The following AFG2A variants were observed in gnomAD, a reference collection of about 807,000 sequenced individuals.
AFG2A encodes the protein ATPase family gene 2 protein homolog A.
chr4:122,985,339 G>A, the AFG2A span, among the ~76,000 whole-genome samples: 1 of 152,042 alleles, frequency 6.6e-6, no homozygotes, highest in Non-Finnish European at 1.5e-5. Flanking sequence ...ATGTTGGTCA[G>A]GCTTGTCTCT....
chr4:122,987,356 G>T, the AFG2A span, among the ~76,000 whole-genome samples: 1,530 of 152,120 alleles, frequency 0.01, 36 homozygotes, highest in African/African-American at 0.035. Flanking sequence ...GCATAATTTT[G>T]AATCTTGTTG....
the AFG2A span, among the ~76,000 whole-genome samples, chr4:123,013,114 G>A: frequency 6.6e-6 from 1 of 152,124 alleles, no homozygotes; most frequent in African/African-American, 2.4e-5. Flanking sequence ...GAAAATTATA[G>A]TCAAAGGGGG....
the AFG2A span, among the ~76,000 whole-genome samples, chr4:123,227,677 T>C: frequency 6.6e-6 from 1 of 152,208 alleles, no homozygotes. Context: ...CTGAAAAGAA[T>C]GTATATTCGG....
the AFG2A span, among the ~76,000 whole-genome samples, chr4:123,272,522 T>G: frequency 6.6e-6 from 1 of 152,174 alleles, no homozygotes; most frequent in Non-Finnish European, 1.5e-5. Flanking sequence ...GTTTCTATGA[T>G]TCTCAGGGAA....
the AFG2A span, among the ~76,000 whole-genome samples, chr4:123,126,342 C>T: frequency 6.6e-6 from 1 of 152,068 alleles, no homozygotes; most frequent in Admixed American, 6.6e-5. Flanking sequence ...ACTAAATTGG[C>T]TCTACAAATC....
chr4:123,105,265 G>C, the AFG2A span, among the ~76,000 whole-genome samples: 3 of 152,076 alleles, frequency 2.0e-5, no homozygotes, highest in Non-Finnish European at 4.4e-5. Context: ...ATCTGTTTAC[G>C]GCACAGTTTT....
At chr4:123,196,167 A>ATTTTTTTTTTTT in the AFG2A span, among the ~76,000 whole-genome samples, 157 of 79,658 alleles carry the variant, frequency 2.0e-3, 9 homozygotes, top group East Asian at 9.6e-3. Flanking sequence ...TGCCCAGCTA[A>ATTTTTTTTTTTT]TTTTTTTTTT....
At chr4:123,079,127 AG>A in the AFG2A span, among the ~76,000 whole-genome samples, 2 of 152,206 alleles carry the variant, frequency 1.3e-5, no homozygotes, top group Non-Finnish European at 2.9e-5. Context: ...TGTTTCCTAA[AG>A]TAGTGCCTGC....
chr4:123,093,088 G>C, the AFG2A span, among the ~76,000 whole-genome samples: 1 of 152,218 alleles, frequency 6.6e-6, no homozygotes, highest in East Asian at 1.9e-4. Flanking sequence ...GTTTCTATCA[G>C]GGTGATACAG....
the AFG2A span, among the ~76,000 whole-genome samples, chr4:123,105,346 G>T: frequency 6.6e-6 from 1 of 152,244 alleles, no homozygotes; most frequent in African/African-American, 2.4e-5. Context: ...AGATGTTACT[G>T]TTCATTGACA....
At chr4:122,979,083 C>G in the AFG2A span, 1 of 884,806 alleles carries the variant, frequency 1.1e-6, no homozygotes, top group Non-Finnish European at 1.6e-6. Flanking sequence ...CTCCCACTGG[C>G]TTCGTGGAGT....
the AFG2A span, among the ~76,000 whole-genome samples, chr4:123,101,853 T>C: frequency 1.3e-5 from 2 of 151,526 alleles, no homozygotes; most frequent in Non-Finnish European, 3.0e-5. Flanking sequence ...TTATACAGAG[T>C]GTGATAGGAA....
At chr4:123,302,622 A>T in the AFG2A span, among the ~76,000 whole-genome samples, 1 of 151,826 alleles carries the variant, frequency 6.6e-6, no homozygotes, top group Admixed American at 6.6e-5. Flanking sequence ...GCCATGTGCT[A>T]ACCTGGCTTG....
chr4:123,299,803 A>G, the AFG2A span, among the ~76,000 whole-genome samples: 1 of 152,240 alleles, frequency 6.6e-6, no homozygotes. Context: ...AACTAGATGA[A>G]TAATCTATCC....
the AFG2A span, chr4:123,256,220 G>A: frequency 2.5e-6 from 4 of 1,606,028 alleles, no homozygotes; most frequent in Non-Finnish European, 2.6e-6. Context: ...TGGGAGGAAA[G>A]CGGTGGCTCA....
the AFG2A span, among the ~76,000 whole-genome samples, chr4:122,981,672 T>A: frequency 2.6e-5 from 4 of 152,196 alleles, no homozygotes; most frequent in Non-Finnish European, 1.5e-5. Flanking sequence ...CATTATTCTA[T>A]GTATTTGTGT....
At chr4:123,130,750 C>A in the AFG2A span, among the ~76,000 whole-genome samples, 33,051 of 152,032 alleles carry the variant, frequency 0.22, 3,849 homozygotes, top group East Asian at 0.46. Context: ...GTGAACAAAA[C>A]TTCTTATATC....
At chr4:122,989,212 A>C in the AFG2A span, among the ~76,000 whole-genome samples, 1 of 152,198 alleles carries the variant, frequency 6.6e-6, no homozygotes, top group Non-Finnish European at 1.5e-5. Context: ...CATGTGAAAA[A>C]GTAAACAACA....
the AFG2A span, among the ~76,000 whole-genome samples, chr4:122,956,578 A>C: frequency 6.6e-6 from 1 of 152,156 alleles, no homozygotes; most frequent in Non-Finnish European, 1.5e-5. Context: ...TGTTGAACTG[A>C]TCTATTTTCC....
Sources: allele counts gnomAD v4.1 joint callset (sites outside exome capture counted in the v4.1 genomes callset), GRCh38; gene constraint gnomAD v4.1.1; transcripts MANE v1.5; gene names NCBI Gene and HGNC (gene_info 2026-07-23, HGNC 2026-07-21).